Variants in SLC9A2 observed in about 807,000 individuals in gnomAD.
SLC9A2 encodes sodium/hydrogen exchanger 2.
SLC9A2 carries 42 observed loss-of-function variants against 71.7 expected under a neutral mutation model. The observed-to-expected ratio is 0.59, with a 90% CI of 0.46 to 0.76. The LOEUF is 0.76. SLC9A2 is among the 30% of genes least tolerant of loss of function. The pLI, the probability that SLC9A2 is intolerant of heterozygous loss-of-function variation, is 0.00. For synonymous variants in SLC9A2, 396 were observed against 392.5 expected, an observed-to-expected ratio of 1.01 and a Z score of -0.10; for missense variants, 829 against 1,017.4, an observed-to-expected ratio of 0.81 and a Z score of 2.52.
chr2:102,705,774 C>T (rs1387191066), intron 10 of SLC9A2, 72 bp from the exon 11 acceptor site: 2 of 892,166 alleles, frequency 2.2e-6, no homozygotes, highest in Admixed American at 5.6e-5. Flanking sequence ...TTTTGCTATA[C>T]AATTTTTAAT....
At chr2:102,701,985 A>G (rs893302528) in intron 8 of SLC9A2, among the ~76,000 whole-genome samples, 1 of 152,248 alleles carries the variant, frequency 6.6e-6, no homozygotes, top group African/African-American at 2.4e-5. Context: ...GGATATACAT[A>G]CATGTTATAA....
At chr2:102,657,368 T>C (rs1410435238) in intron 1 of SLC9A2, among the ~76,000 whole-genome samples, 196 bp from the exon 2 acceptor site, 2 of 152,184 alleles carry the variant, frequency 1.3e-5, no homozygotes, top group East Asian at 1.9e-4. Context: ...TAATTTTTTG[T>C]CTACATGTGC....
intron 5 of SLC9A2, among the ~76,000 whole-genome samples, chr2:102,685,307 G>A (rs1464559802): frequency 6.6e-6 from 1 of 152,202 alleles, no homozygotes; most frequent in African/African-American, 2.4e-5. Context: ...GCGAAGCAGG[G>A]TCTGGAGTCC....
At chr2:102,640,088 T>C (rs10181400) in intron 1 of SLC9A2, among the ~76,000 whole-genome samples, 77,420 of 152,024 alleles carry the variant, frequency 0.51, 20,074 homozygotes, top group East Asian at 0.68. Context: ...AGTTAAAACA[T>C]GCACATCTGC....
intron 1 of SLC9A2, among the ~76,000 whole-genome samples, chr2:102,633,055 TG>T (rs2104502311): frequency 6.6e-6 from 1 of 152,254 alleles, no homozygotes; most frequent in African/African-American, 2.4e-5. Flanking sequence ...GAGTGAGACT[TG>T]GTAATTCCTC....
chr2:102,619,764 G>T lies in SLC9A2; in HGVS notation c.-85G>T. 7.8e-7 allele frequency: 1 copy of T among 1,286,462 alleles called. No individual in the cohort carries two copies. The highest frequency in any genetic ancestry group is 1.0e-6 in the Non-Finnish European group (1 of 971,476). The allele number at this position is 1,286,462 out of a possible 1,614,324, so 79.7% of individuals were successfully genotyped here. On this transcript the variant is annotated 5_prime_UTR_variant, in exon 1 of 12. Transcript: ENST00000233969. This position sits in a 1 kb window ranked among gnomAD's most constrained non-coding sequence, Gnocchi z 4.3. ...TGCCCTGCCCTGCACGGGGCAGGGCGGAGCGGGCTGAGCAGCCCGGGCGCG... is the reference window on the plus strand; with the variant it reads ...TGCCCTGCCCTGCACGGGGCAGGGCTGAGCGGGCTGAGCAGCCCGGGCGCG...
intron 3 of SLC9A2, among the ~76,000 whole-genome samples, chr2:102,680,803 C>T (rs2104537604): frequency 6.6e-6 from 1 of 152,154 alleles, no homozygotes; most frequent in Admixed American, 6.5e-5. Context: ...ATCTGGGTGG[C>T]CTTGATATAA....
chr2:102,632,168 A>ATG, intron 1 of SLC9A2, among the ~76,000 whole-genome samples: 1 of 130,918 alleles, frequency 7.6e-6, no homozygotes, highest in African/African-American at 3.2e-5. Flanking sequence ...ATATATACAC[A>ATG]TATATATACA....
intron 3 of SLC9A2, among the ~76,000 whole-genome samples, chr2:102,670,074 C>G (rs1677217174): frequency 6.6e-6 from 1 of 151,338 alleles, no homozygotes; most frequent in Non-Finnish European, 1.5e-5. Context: ...CTCTGTTGCC[C>G]AGGCTGGAAT....
rs1200382375 is a variant in SLC9A2, at chr2:102,632,112, G to GTA, written c.289+11982_289+11983dup. Among the ~76,000 whole-genome samples, 9 of 37,424 alleles carry GTA rather than the reference G, an allele frequency of 2.4e-4. 1 individual carries two copies. The highest frequency in any genetic ancestry group is 9.5e-4 in the African/African-American group (9 of 9,448). 24.6% of individuals were successfully genotyped at this position (37,424 alleles called of 152,430 possible). On this transcript the variant is annotated intron_variant, in intron 1 of 11. Transcript: ENST00000233969. ...TATACACATATATATACATATATAT[G>GTA]TATATATACATATATACATATATAT...
rs371590109 is a variant in SLC9A2, at chr2:102,643,197, G to A, written c.290-14367G>A. ...CCATGTTCTCTGCGTTCTTTACGTC[G>A]TCCTTCCTGGCTCTACAGGGAGGGG... On this transcript the variant is annotated intron_variant, in intron 1 of 11. Transcript: ENST00000233969. Among the ~76,000 whole-genome samples the A allele has an allele frequency of 2.4e-4, 36 of 152,222 alleles. No homozygotes were observed. In the South Asian group the frequency reaches 6.6e-3, roughly 28 times the overall value.
intron 1 of SLC9A2, among the ~76,000 whole-genome samples, chr2:102,636,933 A>G (rs1043651993): frequency 1.3e-5 from 2 of 152,220 alleles, no homozygotes; most frequent in Non-Finnish European, 2.9e-5. Context: ...TACCTTCAGA[A>G]TGATCTCTTC....
At chr2:102,685,185 A>G (rs1010970412) in intron 5 of SLC9A2, among the ~76,000 whole-genome samples, 4 of 152,222 alleles carry the variant, frequency 2.6e-5, no homozygotes, top group Non-Finnish European at 4.4e-5. Context: ...GCTAAGCCCA[A>G]GAACATCCCA....
At chr2:102,666,915 C>T (rs1038542362) in intron 3 of SLC9A2, among the ~76,000 whole-genome samples, 4 of 152,140 alleles carry the variant, frequency 2.6e-5, no homozygotes, top group Non-Finnish European at 5.9e-5. Flanking sequence ...AAGCATAAGC[C>T]TAGATCTTCC....
chr2:102,696,025 A>G (rs76494850), intron 7 of SLC9A2, among the ~76,000 whole-genome samples: 169 of 151,768 alleles, frequency 1.1e-3, no homozygotes, highest in African/African-American at 3.9e-3. Flanking sequence ...AAACTGAGAA[A>G]CAGCATTATG....
At chr2:102,647,342 A>G (rs538069948) in intron 1 of SLC9A2, among the ~76,000 whole-genome samples, 3 of 152,352 alleles carry the variant, frequency 2.0e-5, no homozygotes, top group Non-Finnish European at 4.4e-5. Flanking sequence ...GACACAGTAA[A>G]GCAGCATTAA....
At chr2:102,669,960 A>G (rs1415703968) in intron 3 of SLC9A2, among the ~76,000 whole-genome samples, 1 of 152,158 alleles carries the variant, frequency 6.6e-6, no homozygotes, top group Non-Finnish European at 1.5e-5. Context: ...CACAGCAGCA[A>G]ATTTTGAAAA....
intron 4 of SLC9A2, 26 bp downstream of exon 4, chr2:102,683,504 G>C: frequency 2.6e-6 from 4 of 1,562,472 alleles, no homozygotes; most frequent in Non-Finnish European, 3.5e-6. Context: ...TTGCTAACTG[G>C]ACATATGTAA....
intron 11 of SLC9A2, among the ~76,000 whole-genome samples, chr2:102,707,579 C>T (rs911689568): frequency 1.2e-4 from 18 of 152,134 alleles, no homozygotes; most frequent in Admixed American, 5.9e-4. Context: ...AAAGGGTTTT[C>T]GCCCTTTTGT....
Sources: allele counts gnomAD v4.1 joint callset (sites outside exome capture counted in the v4.1 genomes callset), GRCh38; gene constraint gnomAD v4.1.1; non-coding constraint Gnocchi (gnomAD v3.1); transcripts MANE v1.5; gene names NCBI Gene and HGNC (gene_info 2026-07-23, HGNC 2026-07-21).